Variants in NEK11 observed in about 807,000 individuals in gnomAD.
The protein encoded by NEK11 is NIMA related kinase 11, also known as serine/threonine-protein kinase Nek11.
A neutral mutation model predicts 80.7 loss-of-function variants in NEK11; 72 were observed. The ratio of observed to expected loss-of-function variants is 0.89; its 90% confidence interval spans 0.74 to 1.08. NEK11 has a LOEUF of 1.08. Among genes scored for constraint, NEK11 ranks in the 50% least tolerant of loss-of-function variants. NEK11 has a pLI of 0.00. For synonymous variants in NEK11, 251 were observed against 260.7 expected (o/e 0.96, Z 0.36); for missense variants, 764 against 763.6 (o/e 1.00, Z -0.01).
intron 13 of NEK11, among the ~76,000 whole-genome samples, chr3:131,169,783 T>C (rs966509478): frequency 6.6e-6 from 1 of 152,188 alleles, no homozygotes; most frequent in Non-Finnish European, 1.5e-5. Flanking sequence ...AAAGAGAAAC[T>C]CAGCAAATCA....
chr3:131,083,886 C>T (rs2075638485), intron 4 of NEK11, among the ~76,000 whole-genome samples: 1 of 152,178 alleles, frequency 6.6e-6, no homozygotes, highest in Non-Finnish European at 1.5e-5. Context: ...ATATTGGTGT[C>T]TTCTATTTTC....
At chr3:131,124,628 C>T (rs1578682475) in intron 5 of NEK11, among the ~76,000 whole-genome samples, 1 of 152,260 alleles carries the variant, frequency 6.6e-6, no homozygotes, top group South Asian at 2.1e-4. Flanking sequence ...GTTCCTGCCA[C>T]ACCAAGAGAA....
chr3:131,204,359 C>T (rs996958675), intron 14 of NEK11, among the ~76,000 whole-genome samples: 2 of 152,162 alleles, frequency 1.3e-5, no homozygotes, highest in Admixed American at 1.3e-4. Context: ...GCAAATTAAT[C>T]AAACCCAAGG....
intron 17 of NEK11, among the ~76,000 whole-genome samples, chr3:131,336,712 T>C (rs566018293): frequency 1.5e-4 from 23 of 152,192 alleles, no homozygotes; most frequent in Non-Finnish European, 2.2e-4. Flanking sequence ...TTTTCGCAAC[T>C]TACTCATTTG....
chr3:131,139,353 G>GAAAAAA (rs71622003), intron 7 of NEK11, among the ~76,000 whole-genome samples: 2 of 107,562 alleles, frequency 1.9e-5, no homozygotes, highest in African/African-American at 8.6e-5. Context: ...AGAGAAAAAA[G>GAAAAAA]AAAAAAAAAA....
At chr3:131,193,933 T>A (rs534411562) in intron 14 of NEK11, among the ~76,000 whole-genome samples, 1 of 152,186 alleles carries the variant, frequency 6.6e-6, no homozygotes, top group Non-Finnish European at 1.5e-5. Flanking sequence ...GCCTGATAAA[T>A]AATTTTGTGT....
chr3:131,139,962 G>A (rs1179108513), intron 7 of NEK11, among the ~76,000 whole-genome samples: 2 of 152,166 alleles, frequency 1.3e-5, no homozygotes, highest in Non-Finnish European at 2.9e-5. Flanking sequence ...GACCCCTTTG[G>A]ATAGGAGCAT....
chr3:131,243,460 A>G lies in NEK11; in HGVS notation c.1585A>G (p.Arg529Gly), dbSNP rs774208605. The G allele has an allele frequency of 1.2e-6, 2 of 1,612,940 alleles. No homozygotes were observed. Among genetic ancestry groups the G allele is most frequent in the South Asian group, 1.1e-5 (1 of 91,026 alleles). The change falls in exon 16 of 18, where the codon AGG (arginine) becomes GGG (glycine). Residue 529 changes from arginine to glycine, a missense_variant. Physicochemically the swap from Arg to Gly is moderately radical, Grantham distance 125 (BLOSUM62 -2). Transcript: ENST00000383366. ...GGACAGTGATATCGAAGCGTTGGCC[A>G]GGTGTTTGGAAAATGTCCTGGGTTG... ...QQDSDIEALA[R>G]CLENVLGCTS...
At chr3:131,323,894 T>C (rs1190437471) in intron 17 of NEK11, among the ~76,000 whole-genome samples, 3 of 152,170 alleles carry the variant, frequency 2.0e-5, no homozygotes, top group Admixed American at 6.5e-5. Context: ...TGGGCAGCCA[T>C]TGGTTATTGT....
chr3:131,321,048 A>G (rs1281562419), intron 17 of NEK11, among the ~76,000 whole-genome samples: 2 of 152,312 alleles, frequency 1.3e-5, no homozygotes, highest in Non-Finnish European at 1.5e-5. Flanking sequence ...AGCCAAAGCA[A>G]TCCTAAGCAA....
At chr3:131,193,299 T>C (rs984956913) in intron 14 of NEK11, among the ~76,000 whole-genome samples, 7 of 152,168 alleles carry the variant, frequency 4.6e-5, no homozygotes, top group Non-Finnish European at 8.8e-5. Flanking sequence ...TTTGGAAAAC[T>C]GTCTATTAAT....
chr3:131,303,676 C>A (rs1232276589), intron 17 of NEK11, among the ~76,000 whole-genome samples: 1 of 152,092 alleles, frequency 6.6e-6, no homozygotes, highest in Non-Finnish European at 1.5e-5. Flanking sequence ...TGGATATAGG[C>A]CCCCTATGTC....
rs1022667217 is a variant in NEK11 at position 131,035,441 on chromosome 3, A to G, written c.170+5563A>G. Among the ~76,000 whole-genome samples the G allele has an allele frequency of 8.5e-5, 13 of 152,352 alleles. No individual in the cohort carries two copies. In the East Asian group the frequency reaches 1.7e-3, roughly 20 times the overall value. Reference sequence around the variant, plus strand: ...GCTCTCCATACTCCAGTTTCTACTTATAGAAATCTCAGACGTCCAGCCCTG... The same window carrying G: ...GCTCTCCATACTCCAGTTTCTACTTGTAGAAATCTCAGACGTCCAGCCCTG... On this transcript the variant is annotated intron_variant, in intron 3 of 17. Transcript: ENST00000383366.
chr3:131,264,696 G>C (rs1561270966), intron 16 of NEK11, among the ~76,000 whole-genome samples: 4 of 152,142 alleles, frequency 2.6e-5, no homozygotes, highest in Admixed American at 2.6e-4. Context: ...GGCAATGTGG[G>C]CTCTTTTTTG....
At position 131,311,706 on chromosome 3, in the gene NEK11, C is replaced by T. The variant is rs35394562; in HGVS notation, c.1719-37851C>T. On this transcript the variant is annotated intron_variant, in intron 17 of 17. Coordinates refer to ENST00000383366, the MANE Select transcript of NEK11 (RefSeq NM_024800.5). ...AGTGTTACAGAGTGTGCTAAGGCAG[C>T]TGACGTTTGCCGCTTGGAAGTGAGA... is the stretch of plus-strand genomic sequence containing the variant. Among the ~76,000 whole-genome samples, 3 of 152,276 alleles carry T rather than the reference C, an allele frequency of 2.0e-5. No homozygotes were observed. In the East Asian group the frequency reaches 5.8e-4, roughly 29 times the overall value.
chr3:131,199,032 C>A (rs1476531316), intron 14 of NEK11, among the ~76,000 whole-genome samples: 20 of 152,072 alleles, frequency 1.3e-4, no homozygotes, highest in Admixed American at 1.2e-3. Context: ...TTTGCCCCTA[C>A]GTATTTAACC....
At chr3:131,125,971 C>G (rs2083266882) in intron 5 of NEK11, among the ~76,000 whole-genome samples, 1 of 152,188 alleles carries the variant, frequency 6.6e-6, no homozygotes, top group South Asian at 2.1e-4. Flanking sequence ...CATTGAAGGA[C>G]TTAAGTTGGT....
At chr3:131,125,475 T>C (rs1204800298) in intron 5 of NEK11, among the ~76,000 whole-genome samples, 2 of 152,208 alleles carry the variant, frequency 1.3e-5, no homozygotes, top group African/African-American at 4.8e-5. Flanking sequence ...GATATTTCCT[T>C]ATGACCAGGT....
intron 11 of NEK11, among the ~76,000 whole-genome samples, chr3:131,163,329 A>G (rs1156850939): frequency 2.6e-5 from 4 of 152,178 alleles, no homozygotes; most frequent in Admixed American, 1.3e-4. Flanking sequence ...CGAGATATGG[A>G]CTCAACCTAC....
Sources: gnomAD v4.1 joint callset for allele counts (sites outside exome capture counted in the v4.1 genomes callset) on GRCh38, gnomAD v4.1.1 for gene constraint, MANE v1.5 for transcripts, NCBI Gene and HGNC (gene_info 2026-07-23, HGNC 2026-07-21) for gene names.